The following LAMA1 variants were observed in gnomAD, a reference collection of about 807,000 sequenced individuals.
The protein encoded by LAMA1 is laminin subunit alpha-1.
Under a neutral mutation model 348.7 loss-of-function variants are expected in LAMA1, and 219 were observed. The observed-to-expected ratio is 0.63, with a 90% CI of 0.56 to 0.70. The LOEUF (loss-of-function observed/expected upper bound fraction) is 0.70, where lower values mean the gene tolerates loss of function less well. LAMA1 is among the 30% of genes least tolerant of loss of function. The pLI is 0.00. For synonymous variants in LAMA1, 1,487 were observed against 1,491.0 expected, an observed-to-expected ratio of 1.00 and a Z score of 0.06; for missense variants, 3,744 against 3,888.0, an observed-to-expected ratio of 0.96 and a Z score of 0.99.
chr18:7,008,458 G>A, intron 28 of LAMA1, 30 bp downstream of exon 28: 2 of 1,613,272 alleles, frequency 1.2e-6, no homozygotes, highest in East Asian at 2.2e-5. Context: ...CTCAAACCCA[G>A]GAAATAGATT....
At chr18:7,088,015 T>G (rs2058224484) in intron 1 of LAMA1, among the ~76,000 whole-genome samples, 1 of 152,230 alleles carries the variant, frequency 6.6e-6, no homozygotes, top group East Asian at 1.9e-4. Context: ...TATATTTGAA[T>G]CTCTGTTTCT....
intron 5 of LAMA1, among the ~76,000 whole-genome samples, chr18:7,046,960 G>A (rs909034397): frequency 1.3e-5 from 2 of 151,342 alleles, no homozygotes; most frequent in Non-Finnish European, 2.9e-5. Context: ...GTTATTTCTG[G>A]TAGTTGCTTT....
intron 3 of LAMA1, among the ~76,000 whole-genome samples, chr18:7,064,166 T>C (rs1165316212): frequency 2.0e-5 from 3 of 151,936 alleles, no homozygotes; most frequent in Admixed American, 2.0e-4. Context: ...TTTTTTTTTG[T>C]TTATTTTGTT....
intron 29 of LAMA1, among the ~76,000 whole-genome samples, chr18:7,006,219 G>T (rs1186213702): frequency 1.3e-5 from 2 of 152,152 alleles, no homozygotes; most frequent in African/African-American, 2.4e-5. Flanking sequence ...GGTCAGGGCT[G>T]CGAGGCTTCT....
intron 48 of LAMA1, among the ~76,000 whole-genome samples, chr18:6,970,864 C>T (rs184543566): frequency 6.6e-6 from 1 of 152,278 alleles, no homozygotes; most frequent in Non-Finnish European, 1.5e-5. Context: ...CCGCCCGCCT[C>T]GGCCTCCCAA....
chr18:7,025,921 A>T, intron 17 of LAMA1, 58 bp downstream of exon 17: 1 of 1,570,018 alleles, frequency 6.4e-7, no homozygotes, highest in Non-Finnish European at 8.6e-7. Context: ...ATTAGTACGC[A>T]TCTGGGTGGG....
chr18:6,962,148 A>C, intron 51 of LAMA1, 89 bp from the exon 52 acceptor site: 9 of 869,332 alleles, frequency 1.0e-5, no homozygotes, highest in Non-Finnish European at 1.8e-5. Context: ...TGGGCAAGGC[A>C]CAGTGGCTTA....
At chr18:7,078,388 G>C (rs901381308) in intron 3 of LAMA1, among the ~76,000 whole-genome samples, 2 of 151,422 alleles carry the variant, frequency 1.3e-5, no homozygotes, top group Admixed American at 6.6e-5. Context: ...GGATGGTCTC[G>C]ATCTCCTGAC....
chr18:7,051,078 A>G, intron 3 of LAMA1, 142 bp from the exon 4 acceptor site: 1 of 1,057,644 alleles, frequency 9.5e-7, no homozygotes, highest in Non-Finnish European at 1.4e-6. Flanking sequence ...GGCTGCCATG[A>G]GGTGCGAGGA....
chr18:6,962,016 G>C lies in LAMA1; in HGVS notation c.7381C>G (p.Leu2461Val). The C allele has an allele frequency of 6.2e-7, 1 of 1,614,158 alleles. No individual in the cohort carries two copies. Among genetic ancestry groups the C allele is most frequent in the African/African-American group, 1.3e-5 (1 of 75,032 alleles). ...TKSFVGCIKN[L>V]EISRSTFDLL... is the part of the protein sequence containing the mutation. ...TCAAAGGTTGATCTGGATATTTCCA[G>C]GTTCTTGATGCAGCCCACAAAGCTT... The change falls in exon 52 of 63, where the codon CTG becomes GTG. Residue 2461 changes from leucine (L) to valine (V), a missense_variant. Around this residue, in one of 3 missense-constraint regions of LAMA1, gnomAD observed 1,983 missense variants for 1,934.3 expected, o/e 1.03. Coordinates refer to ENST00000389658, the MANE Select transcript of LAMA1 (RefSeq NM_005559.4).
chr18:7,024,512 C>A (rs749987738), intron 17 of LAMA1, 46 bp from the exon 18 acceptor site: 4 of 1,434,620 alleles, frequency 2.8e-6, no homozygotes, highest in Non-Finnish European at 3.9e-6. Context: ...TGGATGAAGC[C>A]GAATTTCTAA....
intron 57 of LAMA1, chr18:6,954,761 TGACAACA>T: frequency 3.4e-5 from 6 of 174,422 alleles, no homozygotes; most frequent in South Asian, 1.3e-4. Flanking sequence ...GCACAGCCAA[TGACAACA>T]AGACGGGCAG....
At position 7,049,079 on chromosome 18, in the gene LAMA1, C is replaced by T. The variant is rs748576952; in HGVS notation, c.767G>A (p.Arg256His). The T allele has an allele frequency of 5.6e-6, 9 of 1,613,364 alleles. No homozygotes were observed. In the South Asian group the frequency reaches 6.6e-5, roughly 12 times the overall value. The change falls in exon 5 of 63, where the codon CGC (arginine) becomes CAC (histidine). Residue 256 changes from arginine (R) to histidine (H), a missense_variant and splice_region_variant. Physicochemically the swap from Arg to His is conservative, Grantham distance 29. This residue lies in a region of LAMA1 where 1,529 missense variants were observed against 1,689.4 expected (regional missense o/e 0.91). Transcript: ENST00000389658. ...PKELDPIVTR[R>H]YYYSIKDISV... ...GCAGGACTGCCGTCCCATACTCACGCGTCTGGTAACAATAGGATCCAGTTC... is the reference window on the plus strand; with the variant it reads ...GCAGGACTGCCGTCCCATACTCACGTGTCTGGTAACAATAGGATCCAGTTC...
In LAMA1 at chr18:7,016,081, T is replaced by C. The variant is rs561434418; in HGVS notation, c.2990-223A>G. On this transcript the variant is annotated intron_variant, in intron 21 of 62. Coordinates refer to ENST00000389658, the MANE Select transcript of LAMA1 (RefSeq NM_005559.4). ...GGAAATGGGGACAGGACAGGGGAAA[T>C]AGAGAAAAGAGTGAAAAAGCCCTCA... Among the ~76,000 whole-genome samples the C allele has an allele frequency of 2.2e-3, 327 of 151,724 alleles. 2 individuals carry two copies. The highest frequency in any genetic ancestry group is 7.6e-3 in the African/African-American group (316 of 41,354).
At position 6,965,702 on chromosome 18, in the gene LAMA1, C is replaced by T. The variant is rs1397907308; in HGVS notation, c.7051-270G>A. On this transcript the variant is annotated intron_variant, in intron 49 of 62. Transcript: ENST00000389658. Reference sequence around the variant, plus strand: ...TCTCCTCGTATCTTTTTCATTGAGACTGACAAGGGGCCCGTTCTAAAAAAT... The same window carrying T: ...TCTCCTCGTATCTTTTTCATTGAGATTGACAAGGGGCCCGTTCTAAAAAAT... 2.0e-5 allele frequency: 10 copies of T among 490,452 alleles called. No individual in the cohort carries two copies. In the East Asian group the frequency reaches 3.8e-4, roughly 18 times the overall value. 30.4% of individuals were successfully genotyped at this position (490,452 alleles called of 1,614,324 possible).
chr18:7,072,973 C>T (rs971936750), intron 3 of LAMA1, among the ~76,000 whole-genome samples: 2 of 152,126 alleles, frequency 1.3e-5, no homozygotes, highest in Non-Finnish European at 2.9e-5. Context: ...ACTCCAGCCT[C>T]CAGCTTTCCA....
At chr18:7,064,218 A>G (rs549609287) in intron 3 of LAMA1, among the ~76,000 whole-genome samples, 18 of 152,236 alleles carry the variant, frequency 1.2e-4, no homozygotes, top group African/African-American at 4.3e-4. Flanking sequence ...GCCATTTTTA[A>G]TACAAAAAAA....
At chr18:6,979,422 C>T (rs987084308) in intron 42 of LAMA1, among the ~76,000 whole-genome samples, 2 of 152,174 alleles carry the variant, frequency 1.3e-5, no homozygotes, top group African/African-American at 4.8e-5. Flanking sequence ...AATCCCAGAA[C>T]TTTGGGAGAC....
chr18:6,982,952 C>T, intron 40 of LAMA1, 147 bp downstream of exon 40: 1 of 1,046,390 alleles, frequency 9.6e-7, no homozygotes, highest in South Asian at 1.4e-5. Flanking sequence ...AATTAAAACA[C>T]AGATCATATG....
Sources: gnomAD v4.1 joint callset for allele counts (sites outside exome capture counted in the v4.1 genomes callset) on GRCh38, gnomAD v4.1.1 for gene constraint, gnomAD v4.1.1 regional missense constraint, MANE v1.5 for transcripts, NCBI Gene and HGNC (gene_info 2026-07-23, HGNC 2026-07-21) for gene names.